Variants in LDLRAD3 observed in about 807,000 individuals in gnomAD.
The protein encoded by LDLRAD3 is low-density lipoprotein receptor class A domain-containing protein 3.
In LDLRAD3, 20 loss-of-function variants were observed where a neutral mutation model predicts 29.4. That is an observed-to-expected ratio of 0.68 (90% CI 0.48 to 0.99). LDLRAD3 has a LOEUF of 0.99. Among genes scored for constraint, LDLRAD3 ranks in the 50% least tolerant of loss-of-function variants. The probability of loss-of-function intolerance (pLI) is 0.00; values close to 1 mark genes in which losing one functional copy is unlikely to be tolerated. For missense variants in LDLRAD3, 420 were observed against 454.3 expected (o/e 0.92, Z 0.69); for synonymous variants, 157 against 192.7 (o/e 0.81, Z 1.53).
intron 4 of LDLRAD3, among the ~76,000 whole-genome samples, chr11:36,107,209 T>C (rs1322213627): frequency 6.6e-6 from 1 of 152,048 alleles, no homozygotes; most frequent in African/African-American, 2.4e-5. Context: ...TTTTTCTTTT[T>C]TTTTTTTTGA....
chr11:36,055,070 G>GGTGC (rs1852598555), intron 2 of LDLRAD3, among the ~76,000 whole-genome samples: 1 of 13,286 alleles, frequency 7.5e-5, no homozygotes, highest in Admixed American at 8.1e-4. Flanking sequence ...TGGGTGGATG[G>GGTGC]ATAGATGGAT....
intron 2 of LDLRAD3, among the ~76,000 whole-genome samples, chr11:36,079,973 C>T (rs1283298969): frequency 6.6e-6 from 1 of 152,180 alleles, no homozygotes; most frequent in Non-Finnish European, 1.5e-5. Flanking sequence ...GAGAAGAGTT[C>T]ACCAGTACCA....
intron 4 of LDLRAD3, among the ~76,000 whole-genome samples, chr11:36,201,647 A>G (rs1855128371): frequency 6.6e-6 from 1 of 152,364 alleles, no homozygotes; most frequent in East Asian, 1.9e-4. Flanking sequence ...AATATGCATG[A>G]AACCATTTGG....
At chr11:36,120,022 C>T (rs1337736059) in intron 4 of LDLRAD3, among the ~76,000 whole-genome samples, 4 of 152,280 alleles carry the variant, frequency 2.6e-5, no homozygotes, top group Non-Finnish European at 5.9e-5. Context: ...GTGGGAGTTA[C>T]GCATCATTCT....
At chr11:36,069,258 C>A (rs1403873114) in intron 2 of LDLRAD3, among the ~76,000 whole-genome samples, 1 of 152,142 alleles carries the variant, frequency 6.6e-6, no homozygotes, top group Non-Finnish European at 1.5e-5. Flanking sequence ...CCCCGTTTAG[C>A]CCCCAGATTT....
At chr11:36,201,703 T>C (rs931622240) in intron 4 of LDLRAD3, among the ~76,000 whole-genome samples, 13 of 152,254 alleles carry the variant, frequency 8.5e-5, no homozygotes, top group African/African-American at 3.1e-4. Context: ...AACTTCTAGC[T>C]GGCTTAGCCA....
chr11:36,098,277 A>G (rs371254769), intron 3 of LDLRAD3, 50 bp from the exon 4 acceptor site: 140 of 1,610,006 alleles, frequency 8.7e-5, no homozygotes, highest in South Asian at 2.5e-4. Flanking sequence ...CAGGGTCCCC[A>G]AGGGAACTTG....
At chr11:36,111,944 A>G (rs1290032649) in intron 4 of LDLRAD3, among the ~76,000 whole-genome samples, 14 of 152,170 alleles carry the variant, frequency 9.2e-5, no homozygotes, top group Admixed American at 7.9e-4. Context: ...TCTAAATGAC[A>G]CTTACCCATC....
At chr11:36,046,510 C>A (rs1443795597) in intron 2 of LDLRAD3, among the ~76,000 whole-genome samples, 2 of 152,194 alleles carry the variant, frequency 1.3e-5, no homozygotes, top group African/African-American at 2.4e-5. Context: ...CTCTTTGCTT[C>A]TTTGTCCAGA....
intron 4 of LDLRAD3, among the ~76,000 whole-genome samples, chr11:36,189,657 C>A (rs944644202): frequency 6.6e-6 from 1 of 151,940 alleles, no homozygotes; most frequent in Non-Finnish European, 1.5e-5. Context: ...TATACATGTG[C>A]CATGTTGGTG....
intron 2 of LDLRAD3, among the ~76,000 whole-genome samples, chr11:36,073,898 C>T: frequency 6.6e-6 from 1 of 152,210 alleles, no homozygotes; most frequent in East Asian, 1.9e-4. Context: ...GGCGGCAGAG[C>T]AGCTGTGCCA....
chr11:36,201,912 T>C (rs977538027), intron 4 of LDLRAD3, among the ~76,000 whole-genome samples: 18 of 152,208 alleles, frequency 1.2e-4, no homozygotes, highest in Non-Finnish European at 4.4e-5. Flanking sequence ...ATTGTCCAGG[T>C]GTGACCTGAA....
chr11:36,142,740 C>T (rs1368043606), intron 4 of LDLRAD3, among the ~76,000 whole-genome samples: 2 of 152,174 alleles, frequency 1.3e-5, no homozygotes, highest in African/African-American at 4.8e-5. Flanking sequence ...CAGCTGCAGC[C>T]AGGCATTTTC....
chr11:36,125,590 G>A (rs911445429), intron 4 of LDLRAD3, among the ~76,000 whole-genome samples: 2 of 152,318 alleles, frequency 1.3e-5, no homozygotes, highest in South Asian at 2.1e-4. Flanking sequence ...GGTCGATGGG[G>A]TGAGTTTGTA....
chr11:36,119,932 T>C (rs2133294967), intron 4 of LDLRAD3, among the ~76,000 whole-genome samples: 1 of 152,362 alleles, frequency 6.6e-6, no homozygotes, highest in Non-Finnish European at 1.5e-5. Context: ...GATTTACTCT[T>C]ACATTTTCTT....
At position 36,190,066 on chromosome 11, in the gene LDLRAD3, G is replaced by C. The variant is rs1012603527; in HGVS notation, c.455-37019G>C. Among the ~76,000 whole-genome samples the C allele has an allele frequency of 6.8e-5, 10 of 146,188 alleles. No individual in the cohort carries two copies. The Admixed American group carries it at 6.9e-4, about 10-fold the overall frequency. ...AAAGACAGAACACTCACACATCTAGGGGGAGGGGGGAGGGGAGGAGGAGGA... is the reference window on the plus strand; with the variant it reads ...AAAGACAGAACACTCACACATCTAGCGGGAGGGGGGAGGGGAGGAGGAGGA... On this transcript the variant is annotated intron_variant, in intron 4 of 5. Coordinates refer to ENST00000315571, the MANE Select transcript of LDLRAD3 (RefSeq NM_174902.4).
chr11:36,167,541 T>C (rs935364154), intron 4 of LDLRAD3, among the ~76,000 whole-genome samples: 1 of 152,016 alleles, frequency 6.6e-6, no homozygotes, highest in Non-Finnish European at 1.5e-5. Context: ...AAACAGAGAT[T>C]GAGAGCTAAA....
chr11:36,022,314 T>C (rs936024161), intron 1 of LDLRAD3, among the ~76,000 whole-genome samples: 2 of 152,234 alleles, frequency 1.3e-5, no homozygotes, highest in African/African-American at 4.8e-5. Context: ...AGTAATTCTT[T>C]AATCGTGAAT....
Position 36,207,913 on chromosome 11 carries a change from T to C in LDLRAD3, c.455-19172T>C, listed in dbSNP as rs139604156. Among the ~76,000 whole-genome samples, 8 of 152,266 alleles carry C rather than the reference T, an allele frequency of 5.3e-5. No individual in the cohort carries two copies. In the East Asian group the frequency reaches 1.5e-3, roughly 29 times the overall value. On this transcript the variant is annotated intron_variant, in intron 4 of 5. Transcript: ENST00000315571. Reference sequence around the variant, plus strand: ...GGTTTTACTTTAACAACTGCTTATGTATGAAACAGCCCACCTACGAGGATT... The same window carrying C: ...GGTTTTACTTTAACAACTGCTTATGCATGAAACAGCCCACCTACGAGGATT...
Sources: allele counts gnomAD v4.1 joint callset (sites outside exome capture counted in the v4.1 genomes callset), GRCh38; gene constraint gnomAD v4.1.1; transcripts MANE v1.5; gene names NCBI Gene and HGNC (gene_info 2026-07-23, HGNC 2026-07-21).